SGCZ: variants seen among roughly 807,000 people sequenced by gnomAD.
The protein encoded by SGCZ is zeta-sarcoglycan.
Under a neutral mutation model 41.3 loss-of-function variants are expected in SGCZ, and 40 were observed. The observed-to-expected ratio is 0.97, with a 90% confidence interval of 0.75 to 1.26. The LOEUF (loss-of-function observed/expected upper bound fraction) is 1.26, where lower values mean the gene tolerates loss of function less well. Among genes scored for constraint, SGCZ ranks in the 50% most tolerant of loss-of-function variants. SGCZ has a pLI of 0.00. For synonymous variants in SGCZ, 206 were observed against 137.5 expected (o/e 1.50, Z -3.49); for missense variants, 552 against 369.8 (o/e 1.49, Z -4.04).
intron 1 of SGCZ, among the ~76,000 whole-genome samples, chr8:14,726,739 C>T (rs765719382): frequency 1.9e-4 from 29 of 151,870 alleles, no homozygotes; most frequent in Non-Finnish European, 3.1e-4. Flanking sequence ...TACAAACCTG[C>T]AACAATATGA....
intron 1 of SGCZ, among the ~76,000 whole-genome samples, chr8:14,592,555 G>C (rs1175390659): frequency 6.6e-6 from 1 of 151,062 alleles, no homozygotes; most frequent in African/African-American, 2.4e-5. Flanking sequence ...ATATTATTGA[G>C]TCTTAAAACA....
intron 5 of SGCZ, among the ~76,000 whole-genome samples, chr8:14,135,637 G>C (rs1198884804): frequency 6.6e-6 from 1 of 152,152 alleles, no homozygotes; most frequent in Admixed American, 6.6e-5. Context: ...TCCTGTAACT[G>C]TTAAAGAACT....
At chr8:14,435,487 C>T (rs1026648530) in intron 2 of SGCZ, among the ~76,000 whole-genome samples, 2 of 152,072 alleles carry the variant, frequency 1.3e-5, no homozygotes, top group Non-Finnish European at 2.9e-5. Context: ...TCTTATATCC[C>T]TTTACCCCAA....
intron 2 of SGCZ, among the ~76,000 whole-genome samples, chr8:14,383,714 G>C (rs1366678383): frequency 2.6e-5 from 4 of 152,196 alleles, no homozygotes; most frequent in African/African-American, 4.8e-5. Flanking sequence ...TTGGGAAAGA[G>C]TGAAACATAT....
At chr8:15,088,454 AG>A (rs1475928175) in intron 1 of SGCZ, among the ~76,000 whole-genome samples, 1 of 152,122 alleles carries the variant, frequency 6.6e-6, no homozygotes, top group East Asian at 1.9e-4. Flanking sequence ...GTTTCTCTAC[AG>A]TAAATAATTT....
At chr8:15,203,197 G>A (rs1300290087) in intron 1 of SGCZ, among the ~76,000 whole-genome samples, 1 of 152,012 alleles carries the variant, frequency 6.6e-6, no homozygotes, top group Non-Finnish European at 1.5e-5. Context: ...TATCTTTTCT[G>A]GAAGTTTGTA....
At chr8:14,987,930 G>A (rs10089619) in intron 1 of SGCZ, among the ~76,000 whole-genome samples, 60,424 of 151,618 alleles carry the variant, frequency 0.4, 12,438 homozygotes, top group South Asian at 0.5. Context: ...TGTCAGTGTC[G>A]TCTCAATGTC....
chr8:14,108,682 G>T (rs1802283073), intron 5 of SGCZ, among the ~76,000 whole-genome samples: 1 of 152,134 alleles, frequency 6.6e-6, no homozygotes, highest in East Asian at 1.9e-4. Flanking sequence ...GATGAGATTT[G>T]AGAGAGGACA....
At chr8:14,417,733 C>G (rs1377341398) in intron 2 of SGCZ, among the ~76,000 whole-genome samples, 2 of 151,672 alleles carry the variant, frequency 1.3e-5, no homozygotes, top group African/African-American at 4.8e-5. Context: ...ACTTGTTTTA[C>G]ACAAAAAAGG....
rs13264989 is a variant in SGCZ, at chr8:14,137,849, A to G, written c.547+26731T>C. Reference sequence around the variant, plus strand: ...AGAGAACGCCACAAAGATACTCCTCAAGAAGAGCAACCCCAAGACACATAA... The same window carrying G: ...AGAGAACGCCACAAAGATACTCCTCGAGAAGAGCAACCCCAAGACACATAA... On this transcript the variant is annotated intron_variant, in intron 5 of 7. Transcript: ENST00000382080. 5.9e-3 allele frequency among the ~76,000 whole-genome samples: 894 copies of G among 151,994 alleles called. 6 individuals are homozygous for G. The highest frequency in any genetic ancestry group is 0.02 in the African/African-American group (850 of 41,494).
intron 1 of SGCZ, among the ~76,000 whole-genome samples, chr8:14,833,338 T>C (rs1324051377): frequency 1.3e-5 from 2 of 152,154 alleles, no homozygotes; most frequent in African/African-American, 2.4e-5. Context: ...AAAAACCATC[T>C]AAGCGCACTG....
intron 4 of SGCZ, among the ~76,000 whole-genome samples, chr8:14,174,435 T>C (rs1037279619): frequency 6.6e-6 from 1 of 152,086 alleles, no homozygotes; most frequent in Non-Finnish European, 1.5e-5. Context: ...ATACATGTAC[T>C]TCTAATTTAA....
intron 1 of SGCZ, among the ~76,000 whole-genome samples, chr8:14,555,679 T>C (rs2117193742): frequency 6.6e-6 from 1 of 152,188 alleles, no homozygotes; most frequent in South Asian, 2.1e-4. Context: ...GATTTACCTG[T>C]TCTTTGCAGT....
At chr8:14,712,789 C>G (rs926697286) in intron 1 of SGCZ, among the ~76,000 whole-genome samples, 1 of 152,146 alleles carries the variant, frequency 6.6e-6, no homozygotes, top group African/African-American at 2.4e-5. Context: ...TCTAGTAACC[C>G]TGTTTAAATA....
At chr8:14,772,368 T>C (rs891900730) in intron 1 of SGCZ, among the ~76,000 whole-genome samples, 3 of 152,070 alleles carry the variant, frequency 2.0e-5, no homozygotes, top group Non-Finnish European at 4.4e-5. Context: ...TTGTATGAAA[T>C]ATAAATATTT....
chr8:14,517,370 A>G (rs932341752), intron 2 of SGCZ, among the ~76,000 whole-genome samples: 1 of 152,104 alleles, frequency 6.6e-6, no homozygotes, highest in Admixed American at 6.6e-5. Flanking sequence ...GTAACATCTA[A>G]TAAACTACAC....
At chr8:14,991,015 T>C (rs1159425835) in intron 1 of SGCZ, among the ~76,000 whole-genome samples, 3 of 152,198 alleles carry the variant, frequency 2.0e-5, no homozygotes, top group South Asian at 2.1e-4. Context: ...GATTGTTTAT[T>C]TGCATTGAAA....
chr8:14,608,389 G>C (rs895866237), intron 1 of SGCZ, among the ~76,000 whole-genome samples: 1 of 151,850 alleles, frequency 6.6e-6, no homozygotes, highest in African/African-American at 2.4e-5. Flanking sequence ...CATGGTACCA[G>C]CATATGCTCA....
Position 15,179,175 on chromosome 8 carries a change from TTAAG to T in SGCZ, c.39+58406_39+58409del, listed in dbSNP as rs574765207. ...ATCAATTAAATAATAATTAACCTGT[TTAAG>T]TAAAGATTCTTATTAATTGATGAAG... On this transcript the variant is annotated intron_variant, in intron 1 of 7. Transcript: ENST00000382080. Among the ~76,000 whole-genome samples, 287 of 152,212 alleles carry T rather than the reference TTAAG, an allele frequency of 1.9e-3. 1 individual carries two copies. Among genetic ancestry groups the T allele is most frequent in the Non-Finnish European group, 3.6e-3 (242 of 67,990 alleles).
Sources: allele counts gnomAD v4.1 joint callset (sites outside exome capture counted in the v4.1 genomes callset), GRCh38; gene constraint gnomAD v4.1.1; transcripts MANE v1.5; gene names NCBI Gene and HGNC (gene_info 2026-07-23, HGNC 2026-07-21).